Variants in CELF2 observed in about 807,000 individuals in gnomAD.
CELF2 encodes the protein CUGBP Elav-like family member 2, also known as CUG triplet repeat RNA-binding protein 2.
A neutral mutation model predicts 62.6 loss-of-function variants in CELF2; 8 were observed. That is an observed-to-expected ratio of 0.13 (90% CI 0.07 to 0.23). CELF2 has a LOEUF of 0.23. Ranked by LOEUF, CELF2 falls within the 10% of genes least tolerant of loss-of-function variation. CELF2 has a pLI of 1.00. For missense variants in CELF2, 333 were observed against 671.0 expected, an observed-to-expected ratio of 0.50 and a Z score of 5.56; for synonymous variants, 258 against 250.0, an observed-to-expected ratio of 1.03 and a Z score of -0.30.
chr10:10,699,809 T>C, the CELF2 span, among the ~76,000 whole-genome samples: 7 of 152,334 alleles, frequency 4.6e-5, no homozygotes, highest in East Asian at 7.7e-4. Flanking sequence ...GGCTTTTCAG[T>C]TGGAGTGAAG....
At chr10:11,118,214 C>T (rs2056984334) in intron 1 of CELF2, among the ~76,000 whole-genome samples, 1 of 151,856 alleles carries the variant, frequency 6.6e-6, no homozygotes, top group South Asian at 2.1e-4. Flanking sequence ...TAAGCAAACC[C>T]CATTTGAATG....
chr10:10,844,083 T>C (rs528586023), intron 1 of CELF2, among the ~76,000 whole-genome samples: 2 of 152,038 alleles, frequency 1.3e-5, no homozygotes, highest in Non-Finnish European at 2.9e-5. Context: ...TTACTTGACT[T>C]TTCTACTTCC....
chr10:10,700,360 G>C, the CELF2 span, among the ~76,000 whole-genome samples: 3 of 152,192 alleles, frequency 2.0e-5, no homozygotes, highest in African/African-American at 7.2e-5. Context: ...TTTACATGCA[G>C]CCTCTGAAGG....
chr10:10,761,367 T>C, the CELF2 span, among the ~76,000 whole-genome samples: 85 of 152,298 alleles, frequency 5.6e-4, no homozygotes, highest in African/African-American at 1.9e-3. Flanking sequence ...TTGAGGGACC[T>C]GTGAGAAATC....
the CELF2 span, among the ~76,000 whole-genome samples, chr10:10,746,575 G>T: frequency 9.2e-5 from 14 of 152,174 alleles, no homozygotes; most frequent in Non-Finnish European, 1.9e-4. Flanking sequence ...AATGCATGTT[G>T]TAAAAGAATT....
chr10:10,649,990 G>A, the CELF2 span, among the ~76,000 whole-genome samples: 1 of 152,100 alleles, frequency 6.6e-6, no homozygotes, highest in Non-Finnish European at 1.5e-5. Context: ...TCCACCCGCC[G>A]TAATCTGCTC....
At chr10:10,996,171 C>T (rs1333033696) in intron 2 of CELF2, among the ~76,000 whole-genome samples, 4 of 152,146 alleles carry the variant, frequency 2.6e-5, no homozygotes, top group Non-Finnish European at 5.9e-5. Flanking sequence ...TGTGCTGTTG[C>T]TTTTCTGGAA....
chr10:10,528,565 G>T, the CELF2 span, among the ~76,000 whole-genome samples: 1 of 152,198 alleles, frequency 6.6e-6, no homozygotes, highest in Non-Finnish European at 1.5e-5. Context: ...TTAAGAGTCT[G>T]CCTGTAGTGC....
the CELF2 span, among the ~76,000 whole-genome samples, chr10:10,534,549 CA>C: frequency 6.6e-6 from 1 of 152,190 alleles, no homozygotes; most frequent in African/African-American, 2.4e-5. Flanking sequence ...AAGGGAGATA[CA>C]GATAAATCTT....
chr10:10,699,826 G>A, the CELF2 span, among the ~76,000 whole-genome samples: 1 of 152,218 alleles, frequency 6.6e-6, no homozygotes, highest in East Asian at 1.9e-4. Context: ...GAAGAGATTT[G>A]TGTTTCCTGA....
chr10:10,623,736 G>T, the CELF2 span, among the ~76,000 whole-genome samples: 2 of 152,214 alleles, frequency 1.3e-5, no homozygotes, highest in Admixed American at 6.5e-5. Context: ...AAGAGCTTAC[G>T]TTCACTGAGC....
chr10:10,999,589 AG>A (rs747452134), intron 2 of CELF2, among the ~76,000 whole-genome samples: 3 of 152,206 alleles, frequency 2.0e-5, no homozygotes, highest in Non-Finnish European at 4.4e-5. Context: ...CAACAGAGCA[AG>A]ACACCATCTC....
intron 1 of CELF2, among the ~76,000 whole-genome samples, chr10:11,022,963 A>G (rs2058575786): frequency 1.3e-5 from 2 of 152,232 alleles, no homozygotes; most frequent in Admixed American, 1.3e-4. Context: ...TATTTTCAAC[A>G]TGAGTCAAGG....
At chr10:11,283,232 A>G (rs1285931889) in intron 8 of CELF2, among the ~76,000 whole-genome samples, 3 of 152,182 alleles carry the variant, frequency 2.0e-5, no homozygotes, top group Non-Finnish European at 4.4e-5. Flanking sequence ...TCCCCATCGA[A>G]TCAAAGACTT....
the CELF2 span, among the ~76,000 whole-genome samples, chr10:10,491,477 T>A: frequency 1.3e-5 from 2 of 152,192 alleles, no homozygotes; most frequent in African/African-American, 4.8e-5. Flanking sequence ...CTTACAAACA[T>A]ACGCTGGCAG....
intron 1 of CELF2, among the ~76,000 whole-genome samples, chr10:11,074,073 T>G (rs1478504412): frequency 6.6e-6 from 1 of 152,200 alleles, no homozygotes; most frequent in Non-Finnish European, 1.5e-5. Flanking sequence ...CACATCAAGT[T>G]CTGTCTGCAG....
rs1343301845 is a variant in CELF2, at chr10:11,315,555, G to A, written c.1096+1297G>A. ...TCCTGATAAATCATTTTCAGAATTAGGACATTTTTCAGGTTTTAGTACATC... is the reference window on the plus strand; with the variant it reads ...TCCTGATAAATCATTTTCAGAATTAAGACATTTTTCAGGTTTTAGTACATC... On this transcript the variant is annotated intron_variant, in intron 10 of 12. Transcript: ENST00000633077. The surrounding 1 kb of genome is among the most constrained non-coding windows in gnomAD (Gnocchi z 5.8). Among the ~76,000 whole-genome samples the A allele has an allele frequency of 3.3e-5, 5 of 152,118 alleles. No individual in the cohort carries two copies. The highest frequency in any genetic ancestry group is 6.5e-5 in the Admixed American group (1 of 15,276).
the CELF2 span, among the ~76,000 whole-genome samples, chr10:10,463,303 G>T: frequency 2.5e-3 from 381 of 152,266 alleles, no homozygotes; most frequent in Non-Finnish European, 4.1e-3. Context: ...CTGAGAATGT[G>T]CTTGCCTGTT....
intron 1 of CELF2, among the ~76,000 whole-genome samples, chr10:10,863,345 G>A (rs2060156655): frequency 1.3e-5 from 2 of 152,186 alleles, no homozygotes; most frequent in African/African-American, 4.8e-5. Flanking sequence ...AGGCACTAGA[G>A]ATCCTACAGA....
Sources: gnomAD v4.1 joint callset for allele counts (sites outside exome capture counted in the v4.1 genomes callset) on GRCh38, gnomAD v4.1.1 for gene constraint, Gnocchi (gnomAD v3.1) non-coding constraint, MANE v1.5 for transcripts, NCBI Gene and HGNC (gene_info 2026-07-23, HGNC 2026-07-21) for gene names.